The following CDKL4 variants were observed in gnomAD, a reference collection of about 807,000 sequenced individuals.
CDKL4 encodes cyclin-dependent kinase-like 4.
A neutral mutation model predicts 42.0 loss-of-function variants in CDKL4; 44 were observed. The observed-to-expected ratio is 1.05, with a 90% CI of 0.82 to 1.35. The LOEUF is 1.35. Among genes scored for constraint, CDKL4 ranks in the 40% most tolerant of loss-of-function variants. CDKL4 has a pLI of 0.00. For synonymous variants in CDKL4, 120 were observed against 121.6 expected, an observed-to-expected ratio of 0.99 and a Z score of 0.09; for missense variants, 393 against 369.9, an observed-to-expected ratio of 1.06 and a Z score of -0.51.
rs57139082 is a variant in CDKL4 at position 39,231,089 on chromosome 2, G to A, written c.-56-1501C>T. Among the ~76,000 whole-genome samples, 588 of 152,306 alleles carry A rather than the reference G, an allele frequency of 3.9e-3. 7 individuals are homozygous for A. The highest frequency in any genetic ancestry group is 0.013 in the African/African-American group (556 of 41,560). ...TACCCGGGTGTGGTGGCACAGGCCTGTAATCCCAGCTACTTAGGAGGCTGA... is the reference window on the plus strand; with the variant it reads ...TACCCGGGTGTGGTGGCACAGGCCTATAATCCCAGCTACTTAGGAGGCTGA... On this transcript the variant is annotated intron_variant, in intron 1 of 9. Coordinates refer to ENST00000451199, the Ensembl canonical transcript of CDKL4.
chr2:39,205,322 C>T (rs1024110271), intron 4 of CDKL4, among the ~76,000 whole-genome samples: 3 of 152,144 alleles, frequency 2.0e-5, no homozygotes, highest in Non-Finnish European at 4.4e-5. Context: ...ATAACTGCTG[C>T]CACCCAAGAG....
chr2:39,205,094 C>A (rs1468364614), intron 4 of CDKL4, among the ~76,000 whole-genome samples: 1 of 151,976 alleles, frequency 6.6e-6, no homozygotes, highest in Non-Finnish European at 1.5e-5. Flanking sequence ...GCCGAAGGAT[C>A]ATTTGAGCCT....
intron 8 of CDKL4, among the ~76,000 whole-genome samples, chr2:39,182,678 C>T (rs555140016): frequency 5.9e-5 from 9 of 152,296 alleles, no homozygotes; most frequent in East Asian, 3.9e-4. Flanking sequence ...TCACAGAAAA[C>T]GCTCTGATAA....
intron 4 of CDKL4, among the ~76,000 whole-genome samples, chr2:39,211,334 G>A (rs7573535): frequency 0.73 from 111,087 of 152,006 alleles, 45,224 homozygotes; most frequent in Non-Finnish European, 0.91. Flanking sequence ...GCTCAAGGGT[G>A]CTATGATAAC....
At chr2:39,225,784 C>A in intron 3 of CDKL4, 55 bp downstream of exon 3, 1 of 1,537,842 alleles carries the variant, frequency 6.5e-7, no homozygotes, top group Non-Finnish European at 8.8e-7. Context: ...GTTAATTCCA[C>A]AGAAAATGAA....
At chr2:39,199,015 C>CAA (rs138212092) in intron 5 of CDKL4, among the ~76,000 whole-genome samples, 5 of 151,048 alleles carry the variant, frequency 3.3e-5, no homozygotes, top group African/African-American at 1.2e-4. Context: ...ATTGAAACAA[C>CAA]AAAAAAAACC....
chr2:39,199,329 G>A (rs1009972589), intron 5 of CDKL4, among the ~76,000 whole-genome samples: 2 of 151,908 alleles, frequency 1.3e-5, no homozygotes, highest in African/African-American at 4.8e-5. Flanking sequence ...AAGAAGCAGC[G>A]AGATTGAAAT....
chr2:39,179,418 T>C (rs1675312351), intron 8 of CDKL4, 97 bp from the exon 9 acceptor site: 20 of 1,014,342 alleles, frequency 2.0e-5, no homozygotes, highest in African/African-American at 3.3e-5. Context: ...AAATATGAGT[T>C]TAGAAAATCT....
intron 1 of CDKL4, among the ~76,000 whole-genome samples, chr2:39,240,004 T>A (rs7583149): frequency 6.6e-6 from 1 of 151,662 alleles, no homozygotes; most frequent in African/African-American, 2.4e-5. Context: ...GCAGGAGAAT[T>A]GCTTGAACCT....
intron 1 of CDKL4, among the ~76,000 whole-genome samples, chr2:39,238,893 A>G (rs1489606373): frequency 6.6e-6 from 1 of 152,214 alleles, no homozygotes; most frequent in Non-Finnish European, 1.5e-5. Context: ...CTGGGATTAC[A>G]GGCATGTGCC....
At chr2:39,213,992 A>G (rs1486410032) in intron 3 of CDKL4, among the ~76,000 whole-genome samples, 5 of 151,880 alleles carry the variant, frequency 3.3e-5, no homozygotes, top group Non-Finnish European at 5.9e-5. Flanking sequence ...ATCTCAGCTC[A>G]CTGTAACTTC....
At chr2:39,193,092 C>T (rs1279477851) in intron 5 of CDKL4, among the ~76,000 whole-genome samples, 1 of 149,442 alleles carries the variant, frequency 6.7e-6, no homozygotes, top group Non-Finnish European at 1.5e-5. Context: ...CATATCACTG[C>T]CCTCCAGCCT....
chr2:39,227,697 G>A (rs1678840674), intron 2 of CDKL4, among the ~76,000 whole-genome samples: 1 of 152,200 alleles, frequency 6.6e-6, no homozygotes, highest in African/African-American at 2.4e-5. Flanking sequence ...TTGTGCCGCT[G>A]CAAAACCACA....
chr2:39,225,823 T>G lies in CDKL4; in HGVS notation c.290+16A>C, dbSNP rs766767021. 3.1e-6 allele frequency: 5 copies of G among 1,589,454 alleles called. No individual in the cohort carries two copies. The South Asian group carries it at 3.5e-5, about 11-fold the overall frequency. ...GAGAACTGGCTGTACAGAATTTCAG[T>G]TTCCAGATTACTTACCCATTTGGGT... On this transcript the variant is annotated intron_variant, in intron 3 of 9. Coordinates refer to ENST00000451199, the Ensembl canonical transcript of CDKL4.
intron 7 of CDKL4, 85 bp downstream of exon 7, chr2:39,187,542 C>T (rs1055494057): frequency 1.0e-6 from 1 of 996,092 alleles, no homozygotes; most frequent in Non-Finnish European, 1.5e-6. Flanking sequence ...GAGACATCAT[C>T]TCAAAATAAA....
intron 1 of CDKL4, among the ~76,000 whole-genome samples, chr2:39,238,132 T>C (rs1679465021): frequency 1.3e-5 from 2 of 152,330 alleles, no homozygotes; most frequent in Non-Finnish European, 2.9e-5. Flanking sequence ...CATAAATTCA[T>C]CTATAAACTA....
At chr2:39,240,677 TA>T (rs768356807) in intron 1 of CDKL4, among the ~76,000 whole-genome samples, 1,644 of 87,876 alleles carry the variant, frequency 0.019, 11 homozygotes, top group Admixed American at 0.031. Context: ...AGATGAACAT[TA>T]AAAAAAAAAA....
At chr2:39,234,658 CAT>C (rs1256473876) in intron 1 of CDKL4, among the ~76,000 whole-genome samples, 1 of 152,148 alleles carries the variant, frequency 6.6e-6, no homozygotes, top group African/African-American at 2.4e-5. Context: ...AACTCCAAGA[CAT>C]ATTTGAATAA....
chr2:39,187,480 G>A, intron 7 of CDKL4, 147 bp downstream of exon 7: 1 of 566,670 alleles, frequency 1.8e-6, no homozygotes, highest in Non-Finnish European at 3.0e-6. Flanking sequence ...CGGAGGTTGA[G>A]GCTGCAGTGA....
Sources: gnomAD v4.1 joint callset for allele counts (sites outside exome capture counted in the v4.1 genomes callset) on GRCh38, gnomAD v4.1.1 for gene constraint, MANE v1.5 for transcripts, NCBI Gene and HGNC (gene_info 2026-07-23, HGNC 2026-07-21) for gene names.